Variants in RADIL observed in about 807,000 individuals in gnomAD.
RADIL encodes the protein Rap associating with DIL domain, also known as ras-associating and dilute domain-containing protein.
A neutral mutation model predicts 97.6 loss-of-function variants in RADIL; 99 were observed. The ratio of observed to expected loss-of-function variants is 1.01; its 90% CI spans 0.86 to 1.20. The LOEUF (loss-of-function observed/expected upper bound fraction) is 1.20. Among genes scored for constraint, RADIL ranks in the 50% most tolerant of loss-of-function variants. The pLI, the probability that RADIL is intolerant of heterozygous loss-of-function variation, is 0.00. For missense variants in RADIL, 1,765 were observed against 1,498.9 expected, an observed-to-expected ratio of 1.18 and a Z score of -2.93; for synonymous variants, 803 against 691.8, an observed-to-expected ratio of 1.16 and a Z score of -2.52.
intron 2 of RADIL, among the ~76,000 whole-genome samples, chr7:4,846,367 G>C (rs896300507): frequency 6.6e-6 from 1 of 151,694 alleles, no homozygotes; most frequent in African/African-American, 2.4e-5. Context: ...GTGTGGTCTC[G>C]ATCTCCTGAC....
intron 2 of RADIL, chr7:4,861,839 T>TC (rs771587611): frequency 1.2e-5 from 17 of 1,396,122 alleles, no homozygotes; most frequent in Non-Finnish European, 1.6e-5. Flanking sequence ...CCAGGGCACG[T>TC]CCCCCACCAC....
chr7:4,822,743 G>A lies in RADIL; in HGVS notation c.1455-189C>T, dbSNP rs1413535066. On this transcript the variant is annotated intron_variant, in intron 5 of 14. Transcript: ENST00000399583. This position sits in a 1 kb window ranked among gnomAD's most constrained non-coding sequence, Gnocchi z 5.3. ...CGCCTGGCACCTGCCTACAACACCC[G>A]ACAGCCAGAGGACCCTACAAACCTA... Among the ~76,000 whole-genome samples, 4 of 152,108 alleles carry A rather than the reference G, an allele frequency of 2.6e-5. No homozygotes were observed. The highest frequency in any genetic ancestry group is 4.8e-5 in the African/African-American group (2 of 41,420).
At position 4,819,102 on chromosome 7, in the gene RADIL, C is replaced by T. The variant is rs1177481289; in HGVS notation, c.1616-1751G>A. 2.0e-5 allele frequency among the ~76,000 whole-genome samples: 3 copies of T among 148,864 alleles called. No homozygotes were observed. Among genetic ancestry groups the T allele is most frequent in the Admixed American group, 2.0e-4 (3 of 14,906 alleles). ...TTTTTTTTTTTTAAAGACAGAGTCT[C>T]ACTCTGTCGCCCAGGCTGGAGTGCA... On this transcript the variant is annotated intron_variant, in intron 6 of 14. Coordinates refer to ENST00000399583, the MANE Select transcript of RADIL (RefSeq NM_018059.5). This position sits in a 1 kb window ranked among gnomAD's most constrained non-coding sequence, Gnocchi z 5.8.
Position 4,873,377 on chromosome 7 carries a change from CAT to C in RADIL, c.535+4226_535+4227del, listed in dbSNP as rs768349452. 3.3e-5 allele frequency among the ~76,000 whole-genome samples: 5 copies of C among 152,328 alleles called. No homozygotes were observed. Among genetic ancestry groups the C allele is most frequent in the Admixed American group, 2.6e-4 (4 of 15,306 alleles). ...CATGCACACCACACAGACACACACA[CAT>C]GGTCACACGTGCACATCACATCACC... On this transcript the variant is annotated intron_variant, in intron 2 of 14. Transcript: ENST00000399583. The surrounding 1 kb of genome is among the most constrained non-coding windows in gnomAD (Gnocchi z 4.3).
At chr7:4,809,752 G>T (rs1253665735) in intron 9 of RADIL, 4 of 517,494 alleles carry the variant, frequency 7.7e-6, no homozygotes, top group Non-Finnish European at 9.9e-6. Flanking sequence ...GCGTGATCTC[G>T]GCTCACTGCA....
rs562693311 is a variant in RADIL at position 4,835,300 on chromosome 7, C to G, written c.784-61G>C. On this transcript the variant is annotated intron_variant, in intron 3 of 14. Transcript: ENST00000399583. This position sits in a 1 kb window ranked among gnomAD's most constrained non-coding sequence, Gnocchi z 5.8. ...CGAGCAGCACACGGGAAAAGCGTCCCGTGTCTAGTCACTGGTTGCTGAAGC... is the reference window on the plus strand; with the variant it reads ...CGAGCAGCACACGGGAAAAGCGTCCGGTGTCTAGTCACTGGTTGCTGAAGC... The G allele has an allele frequency of 4.5e-6, 7 of 1,564,780 alleles. No homozygotes were observed. The highest frequency in any genetic ancestry group is 4.7e-5 in the East Asian group (2 of 42,696).
At chr7:4,860,760 C>T (rs1260112401) in intron 2 of RADIL, 15 of 1,613,994 alleles carry the variant, frequency 9.3e-6, no homozygotes, top group South Asian at 2.2e-5. Flanking sequence ...AGCAAAATCT[C>T]GTGTGTGATA....
rs77872900 is a variant in RADIL at position 4,798,750 on chromosome 7, A to G, written c.*628T>C. On this transcript the variant is annotated 3_prime_UTR_variant, in exon 15 of 15. Coordinates refer to ENST00000399583, the MANE Select transcript of RADIL (RefSeq NM_018059.5). ...AGGGAGCAGGAGTCCTGGGAGAGGA[A>G]GCAGGGCCCAGGGTGGGCTCGGCGC... The G allele has an allele frequency of 0.13, 20,406 of 153,050 alleles. 1,871 individuals are homozygous for G. The highest frequency in any genetic ancestry group is 0.26 in the African/African-American group (10,633 of 41,536). The allele number at this position is 153,050 out of a possible 1,614,324, so 9.5% of individuals were successfully genotyped here.
rs139078031 is a variant in RADIL at position 4,827,625 on chromosome 7, T to C, written c.1454+4516A>G. Among the ~76,000 whole-genome samples the C allele has an allele frequency of 8.5e-3, 1,298 of 152,236 alleles. 8 individuals are homozygous for C. The highest frequency in any genetic ancestry group is 0.027 in the South Asian group (130 of 4,824). ...GCAGTGAGCCGAGATCGTGCCACTG[T>C]ACTCCAGCCTGGGGGACAGGGCGAG... On this transcript the variant is annotated intron_variant, in intron 5 of 14. Transcript: ENST00000399583.
rs527901459 is a variant in RADIL, at chr7:4,880,313, C to A, written c.-64-2110G>T. On this transcript the variant is annotated intron_variant, in intron 1 of 14. Transcript: ENST00000399583. This position sits in a 1 kb window ranked among gnomAD's most constrained non-coding sequence, Gnocchi z 4.5. ...TCAGAGCCGGCCGCAGCTTCCCCCACGGACTCATCAAAGGCCTCGGTTTCA... is the reference window on the plus strand; with the variant it reads ...TCAGAGCCGGCCGCAGCTTCCCCCAAGGACTCATCAAAGGCCTCGGTTTCA... Among the ~76,000 whole-genome samples the A allele has an allele frequency of 6.6e-6, 1 of 152,192 alleles. No individual in the cohort carries two copies. The highest frequency in any genetic ancestry group is 1.5e-5 in the Non-Finnish European group (1 of 68,034).
intron 9 of RADIL, among the ~76,000 whole-genome samples, chr7:4,810,458 C>T (rs1212770299): frequency 1.3e-5 from 2 of 152,206 alleles, no homozygotes; most frequent in Admixed American, 1.3e-4. Flanking sequence ...TCAGGTGTGT[C>T]CGTGTCTCCC....
At position 4,873,740 on chromosome 7, in the gene RADIL, C is replaced by T. The variant is rs1784305740; in HGVS notation, c.535+3865G>A. 6.6e-6 allele frequency among the ~76,000 whole-genome samples: 1 copy of T among 152,234 alleles called. No individual in the cohort carries two copies. The highest frequency in any genetic ancestry group is 2.1e-4 in the South Asian group (1 of 4,834). On this transcript the variant is annotated intron_variant, in intron 2 of 14. Coordinates refer to ENST00000399583, the MANE Select transcript of RADIL (RefSeq NM_018059.5). The surrounding 1 kb of genome is among the most constrained non-coding windows in gnomAD (Gnocchi z 4.3). ...CAAACAGACACCACAGCAGCCCCATCGGTGCCCAGGGAGGCGCAGGACAGG... is the reference window on the plus strand; with the variant it reads ...CAAACAGACACCACAGCAGCCCCATTGGTGCCCAGGGAGGCGCAGGACAGG...
At chr7:4,800,400 G>A in intron 12 of RADIL, 90 bp from the exon 13 acceptor site, 2 of 1,318,052 alleles carry the variant, frequency 1.5e-6, no homozygotes, top group Non-Finnish European at 2.0e-6. Flanking sequence ...CCTCTGTAGG[G>A]CGTCAGGGAT....
intron 2 of RADIL, among the ~76,000 whole-genome samples, chr7:4,855,620 TAAAAAA>T (rs760588803): frequency 0.15 from 13,046 of 87,926 alleles, 752 homozygotes; most frequent in African/African-American, 0.17. Flanking sequence ...TTTATTTTTG[TAAAAAA>T]AAAAAAAAAA....
In RADIL at chr7:4,803,619, C is replaced by A. The variant is rs1264351937; in HGVS notation, c.2426G>T (p.Gly809Val). ...HLLYVRHFLW[G>V]LRSRASPGSP... Reference sequence around the variant, plus strand: ...GCCGGGGCTGGCTCTGCTCCGCAGACCCCACAGAAAGTGGCGGACGTAGAG... The same window carrying A: ...GCCGGGGCTGGCTCTGCTCCGCAGAACCCACAGAAAGTGGCGGACGTAGAG... The change falls in exon 11 of 15, where the codon GGT becomes GTT. Residue 809 changes from glycine (G) to valine (V), a missense_variant. By Grantham distance (109) the Gly-to-Val change is moderately radical. Coordinates refer to ENST00000399583, the MANE Select transcript of RADIL (RefSeq NM_018059.5). 2 of 1,549,662 alleles carry A rather than the reference C, an allele frequency of 1.3e-6. No homozygotes were observed. Among genetic ancestry groups the A allele is most frequent in the Non-Finnish European group, 1.7e-6 (2 of 1,147,036 alleles).
chr7:4,863,354 C>T (rs1467238228), intron 2 of RADIL, among the ~76,000 whole-genome samples: 2 of 152,166 alleles, frequency 1.3e-5, no homozygotes, highest in South Asian at 4.2e-4. Flanking sequence ...ATTCTAATTC[C>T]GAATGCTCTT....
At chr7:4,846,586 C>T (rs1231191215) in intron 2 of RADIL, among the ~76,000 whole-genome samples, 2 of 143,984 alleles carry the variant, frequency 1.4e-5, no homozygotes, top group Non-Finnish European at 3.0e-5. Context: ...GCTCTTGTTG[C>T]CCAGGCTGGA....
chr7:4,862,910 A>T (rs9801438), intron 2 of RADIL, among the ~76,000 whole-genome samples: 67,509 of 150,652 alleles, frequency 0.45, 16,218 homozygotes, highest in African/African-American at 0.62. Context: ...AAAAAAAAAT[A>T]AAATTAAAAA....
chr7:4,875,525 C>T (rs895533757), intron 2 of RADIL, among the ~76,000 whole-genome samples: 4 of 152,206 alleles, frequency 2.6e-5, no homozygotes, highest in Admixed American at 6.5e-5. Flanking sequence ...GGCTCCTCCT[C>T]GCCCGGTGAC....
Sources: allele counts gnomAD v4.1 joint callset (sites outside exome capture counted in the v4.1 genomes callset), GRCh38; gene constraint gnomAD v4.1.1; non-coding constraint Gnocchi (gnomAD v3.1); transcripts MANE v1.5; gene names NCBI Gene and HGNC (gene_info 2026-07-23, HGNC 2026-07-21).